The following UBN2 variants were observed in gnomAD, a reference collection of about 807,000 sequenced individuals.
The protein encoded by UBN2 is ubinuclein 2, also known as ubinuclein-2.
UBN2 carries 35 observed loss-of-function variants against 120.2 expected under a neutral mutation model. That is an observed-to-expected ratio of 0.29 (90% CI 0.22 to 0.39). UBN2 has a LOEUF of 0.39. Ranked by LOEUF, UBN2 falls within the 10% of genes least tolerant of loss-of-function variation. The pLI, the probability that UBN2 is intolerant of heterozygous loss-of-function variation, is 1.00. For synonymous variants in UBN2, 661 were observed against 648.7 expected (o/e 1.02, Z -0.29); for missense variants, 1,693 against 1,663.2 (o/e 1.02, Z -0.31).
Position 139,304,825 on chromosome 7 carries a change from C to T in UBN2, c.*6989C>T, listed in dbSNP as rs893773163. ...AATATCAACTATGCAGATAAACATA[C>T]TCCTTTTTTTTTTCACATGTCCCTG... On this transcript the variant is annotated 3_prime_UTR_variant, in exon 18 of 18. Transcript: ENST00000473989. The T allele has an allele frequency of 6.6e-6, 1 of 151,472 alleles. No individual in the cohort carries two copies. Among genetic ancestry groups the T allele is most frequent in the Non-Finnish European group, 1.5e-5 (1 of 67,954 alleles). 9.4% of individuals were successfully genotyped at this position (151,472 alleles called of 1,614,324 possible). A position where few individuals can be genotyped will look rare whatever the true frequency, so the allele number is the denominator to read the frequency against.
rs1323673209 is a variant in UBN2 at position 139,240,456 on chromosome 7, T to TA, written c.561+3359_561+3360insA. Among the ~76,000 whole-genome samples, 512 of 75,734 alleles carry TA rather than the reference T, an allele frequency of 6.8e-3. 4 individuals are homozygous for TA. The highest frequency in any genetic ancestry group is 0.021 in the African/African-American group (423 of 20,010). The allele number at this position is 75,734 out of a possible 152,430, so 49.7% of individuals were successfully genotyped here. A position where few individuals can be genotyped will look rare whatever the true frequency, so the allele number is the denominator to read the frequency against. ...TATATATATATATATATATATATAT[T>TA]TTTTTTTTTAAATAATTATTTGGAA... On this transcript the variant is annotated intron_variant, in intron 2 of 17. Coordinates refer to ENST00000473989, the MANE Select transcript of UBN2 (RefSeq NM_173569.4).
rs1554480229 is a variant in UBN2 at position 139,304,706 on chromosome 7, G to GTT, written c.*6870_*6871insTT. On this transcript the variant is annotated 3_prime_UTR_variant, in exon 18 of 18. Transcript: ENST00000473989. ...AGGTCCACTGAATCTCTAATGATAG[G>GTT]GTGTGTGTGTGTGTGTGTGTGTGTG... 1 of 140,390 alleles carries GTT rather than the reference G, an allele frequency of 7.1e-6. No individual in the cohort carries two copies. The highest frequency in any genetic ancestry group is 1.6e-5 in the Non-Finnish European group (1 of 63,984). The allele number at this position is 140,390 out of a possible 1,614,324, so 8.7% of individuals were successfully genotyped here. A position where few individuals can be genotyped will look rare whatever the true frequency, so the allele number is the denominator to read the frequency against.
chr7:139,242,399 A>G (rs1251694895), intron 2 of UBN2, among the ~76,000 whole-genome samples: 1 of 152,226 alleles, frequency 6.6e-6, no homozygotes, highest in Non-Finnish European at 1.5e-5. Flanking sequence ...CCTAAGGATC[A>G]TCTCGATGTA....
rs554928702 is a variant in UBN2, at chr7:139,256,973, A to G, written c.664-1515A>G. Among the ~76,000 whole-genome samples, 18 of 152,344 alleles carry G rather than the reference A, an allele frequency of 1.2e-4. 1 individual carries two copies. The South Asian group carries it at 3.1e-3, about 26-fold the overall frequency. On this transcript the variant is annotated intron_variant, in intron 3 of 17. Transcript: ENST00000473989. ...TAGCCTTATATTCTTACAGTAACTA[A>G]TAGGATATGTATATTCCTTGCCCAT...
Position 139,231,552 on chromosome 7 carries a change from C to T in UBN2, c.68C>T (p.Pro23Leu), listed in dbSNP as rs1442538653. 2.0e-5 allele frequency: 29 copies of T among 1,418,942 alleles called. No individual in the cohort carries two copies. The highest frequency in any genetic ancestry group is 2.3e-5 in the Non-Finnish European group (25 of 1,077,806). The allele number at this position is 1,418,942 out of a possible 1,614,324, so 87.9% of individuals were successfully genotyped here. ...GTGCGGCGGCGCGAGGCCGAGTACC[C>T]GGGGCCCGAGCGTGAGCCCGAGTAC... is the stretch of plus-strand genomic sequence containing the variant. ...SPVRRREAEY[P>L]GPEREPEYPR... The change falls in exon 1 of 18, where the codon CCG becomes CTG. Residue 23 changes from proline (P) to leucine (L), a missense_variant. Physicochemically the swap from Pro to Leu is moderately conservative, Grantham distance 98. Transcript: ENST00000473989.
At chr7:139,246,204 A>G (rs904408680) in intron 2 of UBN2, among the ~76,000 whole-genome samples, 13 of 152,256 alleles carry the variant, frequency 8.5e-5, no homozygotes, top group Non-Finnish European at 1.8e-4. Flanking sequence ...GCCTCTACTA[A>G]AAATACAAAA....
intron 7 of UBN2, 148 bp from the exon 8 acceptor site, chr7:139,269,246 G>GTT: frequency 2.7e-6 from 2 of 751,786 alleles, no homozygotes; most frequent in Admixed American, 3.5e-5. Flanking sequence ...ATTGCTATGG[G>GTT]TTTTTTTTTA....
At position 139,279,413 on chromosome 7, in the gene UBN2, A is replaced by G. The variant is rs1797537535; in HGVS notation, c.2067+53A>G. 3 of 1,398,972 alleles carry G rather than the reference A, an allele frequency of 2.1e-6. No individual in the cohort carries two copies. The South Asian group carries it at 3.6e-5, about 17-fold the overall frequency. The allele number at this position is 1,398,972 out of a possible 1,614,324, so 86.7% of individuals were successfully genotyped here. ...AGTTATAGTTGGTGAATGTTGAAAT[A>G]CATTCCTAAGATGAAAAAGATGTAT... On this transcript the variant is annotated intron_variant, in intron 13 of 17. Coordinates refer to ENST00000473989, the MANE Select transcript of UBN2 (RefSeq NM_173569.4).
At chr7:139,265,778 T>C (rs549494658) in intron 6 of UBN2, among the ~76,000 whole-genome samples, 2 of 152,298 alleles carry the variant, frequency 1.3e-5, no homozygotes, top group East Asian at 3.9e-4. Context: ...CAAAGAATGC[T>C]GGCAGCCACC....
downstream of UBN2, among the ~76,000 whole-genome samples, chr7:139,311,880 G>C (rs980906310): frequency 3.3e-5 from 5 of 152,186 alleles, no homozygotes; most frequent in Admixed American, 6.5e-5. Flanking sequence ...TAGATGTAGC[G>C]TCATGGAGTG....
chr7:139,326,255 CAAAA>C, the UBN2 span, among the ~76,000 whole-genome samples: 2 of 148,074 alleles, frequency 1.4e-5, no homozygotes, highest in African/African-American at 2.6e-5. Flanking sequence ...GACTCTGTCT[CAAAA>C]CAAACAAACA....
At chr7:139,311,619 G>A (rs906847866), downstream of UBN2, among the ~76,000 whole-genome samples, 13 of 152,210 alleles carry the variant, frequency 8.5e-5, no homozygotes, top group African/African-American at 3.1e-4. Flanking sequence ...GCTTATAAAT[G>A]GTGGCTACTA....
chr7:139,269,161 A>G (rs1304849591), intron 7 of UBN2, among the ~76,000 whole-genome samples: 1 of 152,176 alleles, frequency 6.6e-6, no homozygotes, highest in Non-Finnish European at 1.5e-5. Flanking sequence ...GTAAGCCGAG[A>G]CTGCACCATT....
At chr7:139,258,771 T>G in intron 4 of UBN2, 146 bp downstream of exon 4, 1 of 670,854 alleles carries the variant, frequency 1.5e-6, no homozygotes, top group Non-Finnish European at 2.2e-6. Context: ...GCTTTAAAAT[T>G]AAATTATGTA....
intron 15 of UBN2, 22 bp downstream of exon 15, chr7:139,284,596 A>G (rs1797726835): frequency 1.9e-6 from 3 of 1,569,446 alleles, no homozygotes; most frequent in African/African-American, 1.4e-5. Context: ...CTGTACGTCC[A>G]TGTGATAAAC....
intron 6 of UBN2, among the ~76,000 whole-genome samples, chr7:139,263,095 A>C (rs564283669): frequency 2.0e-5 from 3 of 152,332 alleles, no homozygotes; most frequent in African/African-American, 7.2e-5. Context: ...TGTATAGAAA[A>C]TGAGACATCT....
chr7:139,261,616 T>G lies in UBN2; in HGVS notation c.1270T>G (p.Ser424Ala), dbSNP rs958782643. 2.5e-6 allele frequency: 4 copies of G among 1,614,050 alleles called. No homozygotes were observed. Among genetic ancestry groups the G allele is most frequent in the Admixed American group, 3.3e-5 (2 of 60,002 alleles). Residue 424 changes from serine (S) to alanine (A), a missense_variant, in exon 6 of 18, where the codon TCG becomes GCG. Physicochemically the swap from Ser to Ala is moderately conservative, Grantham distance 99 (BLOSUM62 1). This residue lies in a region of UBN2 where 663 missense variants were observed against 591.2 expected (regional missense o/e 1.12). Coordinates refer to ENST00000473989, the MANE Select transcript of UBN2 (RefSeq NM_173569.4). ...TTCTGATGGTAGCCCCCTATCTGAG[T>G]CGGGGGGTGAAAATGGAACCACCAC... ...AASDGSPLSE[S>A]GGENGTTTQP...
intron 15 of UBN2, among the ~76,000 whole-genome samples, chr7:139,291,879 T>C (rs1659848081): frequency 3.9e-5 from 6 of 152,014 alleles, no homozygotes; most frequent in Admixed American, 3.9e-4. Flanking sequence ...TAAATTTTTT[T>C]TAAATAAAAA....
rs1300615322 is a variant in UBN2, at chr7:139,252,069, A to ATC, written c.663+14_663+15dup. 1 of 1,605,098 alleles carries ATC rather than the reference A, an allele frequency of 6.2e-7. No homozygotes were observed. Among genetic ancestry groups the ATC allele is most frequent in the East Asian group, 2.2e-5 (1 of 44,826 alleles). ...ATAACTCAGAGGCTGTGAGTAATGT[A>ATC]TCTTTAATATAGCAGCAAATTCATT... On this transcript the variant is annotated intron_variant, in intron 3 of 17. Coordinates refer to ENST00000473989, the MANE Select transcript of UBN2 (RefSeq NM_173569.4).
Sources: allele counts gnomAD v4.1 joint callset (sites outside exome capture counted in the v4.1 genomes callset), GRCh38; gene constraint gnomAD v4.1.1; regional missense constraint gnomAD v4.1.1; transcripts MANE v1.5; gene names NCBI Gene and HGNC (gene_info 2026-07-23, HGNC 2026-07-21).